CADPS: variants seen among roughly 807,000 people sequenced by gnomAD.
CADPS encodes calcium dependent secretion activator.
CADPS carries 57 observed loss-of-function variants against 167.3 expected under a neutral mutation model. That is an observed-to-expected ratio of 0.34 (90% confidence interval 0.28 to 0.42). CADPS has a LOEUF of 0.42. Ranked by LOEUF, CADPS falls within the 20% of genes least tolerant of loss-of-function variation. The probability of loss-of-function intolerance (pLI) is 1.00; values close to 1 mark genes in which losing one functional copy is unlikely to be tolerated. For synonymous variants in CADPS, 676 were observed against 635.3 expected (o/e 1.06, Z -0.96); for missense variants, 1,414 against 1,738.1 (o/e 0.81, Z 3.32).
intron 1 of CADPS, among the ~76,000 whole-genome samples, chr3:62,852,410 C>T (rs1249531644): frequency 6.6e-6 from 1 of 152,132 alleles, no homozygotes; most frequent in Non-Finnish European, 1.5e-5. Flanking sequence ...CCTATTCGGC[C>T]ATCTTGGCTC....
intron 1 of CADPS, among the ~76,000 whole-genome samples, chr3:62,857,185 A>C (rs913545698): frequency 2.6e-5 from 4 of 152,118 alleles, no homozygotes; most frequent in African/African-American, 9.7e-5. Context: ...GAAACAAAGA[A>C]TATAAAGAGA....
At chr3:62,732,058 T>C (rs1402356526) in intron 3 of CADPS, among the ~76,000 whole-genome samples, 2 of 152,032 alleles carry the variant, frequency 1.3e-5, no homozygotes, top group Non-Finnish European at 2.9e-5. Flanking sequence ...ACAAACATTG[T>C]CTCATTTTGA....
At chr3:62,422,291 C>T (rs2051589504) in intron 28 of CADPS, among the ~76,000 whole-genome samples, 1 of 152,160 alleles carries the variant, frequency 6.6e-6, no homozygotes, top group South Asian at 2.1e-4. Context: ...CCTGAGCCCC[C>T]AACCTGAATG....
At chr3:62,456,253 T>G (rs1180720877) in intron 26 of CADPS, among the ~76,000 whole-genome samples, 7 of 152,216 alleles carry the variant, frequency 4.6e-5, no homozygotes, top group Non-Finnish European at 1.0e-4. Context: ...GAACCATCTG[T>G]ATTATAGTTA....
intron 6 of CADPS, among the ~76,000 whole-genome samples, chr3:62,610,370 C>A (rs776055668): frequency 1.1e-4 from 17 of 152,130 alleles, no homozygotes; most frequent in Non-Finnish European, 2.1e-4. Flanking sequence ...CCTGCCTCAG[C>A]CTTCCCAGTA....
At chr3:62,693,944 C>T (rs2079736579) in intron 3 of CADPS, among the ~76,000 whole-genome samples, 1 of 152,082 alleles carries the variant, frequency 6.6e-6, no homozygotes, top group South Asian at 2.1e-4. Flanking sequence ...TGAAGGCTCA[C>T]CAAAGGACAA....
chr3:62,490,234 T>C (rs1201690334), intron 21 of CADPS, among the ~76,000 whole-genome samples: 1 of 152,164 alleles, frequency 6.6e-6, no homozygotes, highest in Non-Finnish European at 1.5e-5. Context: ...AACATCCCTC[T>C]ACTTTGCTCC....
At chr3:62,508,442 G>A (rs906303049) in intron 17 of CADPS, among the ~76,000 whole-genome samples, 8 of 152,210 alleles carry the variant, frequency 5.3e-5, no homozygotes, top group Non-Finnish European at 1.0e-4. Flanking sequence ...ACAGGGTCAT[G>A]TTCAAATTTT....
chr3:62,619,020 G>C (rs1205642842), intron 6 of CADPS, among the ~76,000 whole-genome samples: 1 of 152,212 alleles, frequency 6.6e-6, no homozygotes, highest in Admixed American at 6.5e-5. Context: ...GCCAATTCTG[G>C]CCTATTGCCT....
chr3:62,847,155 A>AT (rs2077596293), intron 1 of CADPS, among the ~76,000 whole-genome samples: 1 of 151,434 alleles, frequency 6.6e-6, no homozygotes, highest in African/African-American at 2.4e-5. Context: ...GACTTTGTTA[A>AT]TTTTTTGACT....
Position 62,875,152 on chromosome 3 carries a change from G to A in CADPS, c.-123C>T. The A allele has an allele frequency of 8.1e-7, 1 of 1,241,766 alleles. No homozygotes were observed. The highest frequency in any genetic ancestry group is 1.0e-6 in the Non-Finnish European group (1 of 971,452). 76.9% of individuals were successfully genotyped at this position (1,241,766 alleles called of 1,614,324 possible). Reference sequence around the variant, plus strand: ...CGCTTCTCCCCAGGTCAGGGAGCGAGAGCGCTGCTGCTCAGCCTCGGCCGC... The same window carrying A: ...CGCTTCTCCCCAGGTCAGGGAGCGAAAGCGCTGCTGCTCAGCCTCGGCCGC... On this transcript the variant is annotated 5_prime_UTR_variant, in exon 1 of 30. Transcript: ENST00000383710.
chr3:62,827,148 C>T (rs1462904462), intron 1 of CADPS, among the ~76,000 whole-genome samples: 2 of 152,106 alleles, frequency 1.3e-5, no homozygotes, highest in African/African-American at 2.4e-5. Context: ...TTGATTCCCC[C>T]CACCCAGGTG....
At chr3:62,717,057 T>A (rs2084805818) in intron 3 of CADPS, among the ~76,000 whole-genome samples, 1 of 152,184 alleles carries the variant, frequency 6.6e-6, no homozygotes, top group South Asian at 2.1e-4. Flanking sequence ...CCACAGAAAA[T>A]CTACATACTG....
intron 6 of CADPS, among the ~76,000 whole-genome samples, chr3:62,616,105 A>G (rs2062244409): frequency 6.6e-6 from 1 of 152,188 alleles, no homozygotes; most frequent in Non-Finnish European, 1.5e-5. Flanking sequence ...GCACAATAAA[A>G]TCCAGTTTAT....
chr3:62,404,867 G>A (rs1707832057), intron 28 of CADPS: 2 of 150,470 alleles, frequency 1.3e-5, no homozygotes, highest in Non-Finnish European at 2.9e-5. Flanking sequence ...GGCATGGACA[G>A]GTTTTCCCCT....
intron 13 of CADPS, among the ~76,000 whole-genome samples, chr3:62,527,863 T>G (rs1009217629): frequency 5.9e-5 from 9 of 152,212 alleles, no homozygotes; most frequent in Admixed American, 4.6e-4. Flanking sequence ...TCATGAGTCA[T>G]GAATTGCTTT....
At chr3:62,697,700 T>G (rs2151455283) in intron 3 of CADPS, among the ~76,000 whole-genome samples, 1 of 152,276 alleles carries the variant, frequency 6.6e-6, no homozygotes, top group South Asian at 2.1e-4. Context: ...CCGTAGTGGT[T>G]GCACTAGTTT....
At chr3:62,676,294 G>A (rs1450191128) in intron 3 of CADPS, among the ~76,000 whole-genome samples, 1 of 152,108 alleles carries the variant, frequency 6.6e-6, no homozygotes, top group African/African-American at 2.4e-5. Flanking sequence ...GCAAGTTCCT[G>A]ACACAAAAGA....
intron 17 of CADPS, among the ~76,000 whole-genome samples, chr3:62,504,557 C>G (rs968979633): frequency 1.3e-5 from 2 of 152,210 alleles, no homozygotes; most frequent in African/African-American, 4.8e-5. Context: ...CATATTTCAG[C>G]TAAATGGGTC....
Sources: gnomAD v4.1 joint callset for allele counts (sites outside exome capture counted in the v4.1 genomes callset) on GRCh38, gnomAD v4.1.1 for gene constraint, MANE v1.5 for transcripts, NCBI Gene and HGNC (gene_info 2026-07-23, HGNC 2026-07-21) for gene names.